The following C10orf143 variants were observed in gnomAD, a reference collection of about 807,000 sequenced individuals.
C10orf143 encodes the protein uncharacterized protein C10orf143.
chr10:130,081,425 A>G (rs76794928), intron 1 of C10orf143, among the ~76,000 whole-genome samples: 4,589 of 152,324 alleles, frequency 0.03, 175 homozygotes, highest in East Asian at 0.11. Context: ...AAGTACACAG[A>G]AAACAAGTAA....
At chr10:130,039,247 T>C (rs898891424) in intron 3 of C10orf143, among the ~76,000 whole-genome samples, 1 of 152,120 alleles carries the variant, frequency 6.6e-6, no homozygotes. Flanking sequence ...TGATTTCTTA[T>C]GGGGTCGGCT....
intron 1 of C10orf143, among the ~76,000 whole-genome samples, chr10:130,081,226 C>G (rs1861202899): frequency 6.6e-6 from 1 of 151,740 alleles, no homozygotes; most frequent in Admixed American, 6.6e-5. Flanking sequence ...TAAATACAAC[C>G]AAGGACTTTT....
chr10:130,106,357 A>G, intron 1 of C10orf143: 1 of 1,601,496 alleles, frequency 6.2e-7, no homozygotes, highest in Non-Finnish European at 8.5e-7. Context: ...AAGAGTATGA[A>G]GACTATGAAG....
At chr10:130,104,704 T>A (rs1331594080) in intron 1 of C10orf143, 1 of 152,214 alleles carries the variant, frequency 6.6e-6, no homozygotes, top group African/African-American at 2.4e-5. Flanking sequence ...AACTCATTAT[T>A]CTTTGGTAAC....
chr10:130,049,338 C>T (rs1337817359), intron 3 of C10orf143, among the ~76,000 whole-genome samples: 2 of 152,204 alleles, frequency 1.3e-5, no homozygotes, highest in Admixed American at 6.5e-5. Context: ...AGGGGCCCCT[C>T]GCCACCCTGT....
In C10orf143 at chr10:130,079,862, G is replaced by A. The variant is rs61729331; in HGVS notation, c.109C>T (p.Arg37Cys). The A allele has an allele frequency of 1.5e-3, 593 of 398,594 alleles. 1 individual carries two copies. The highest frequency in any genetic ancestry group is 0.011 in the African/African-American group (519 of 48,738). The allele number at this position is 398,594 out of a possible 1,614,324, so 24.7% of individuals were successfully genotyped here. Reference sequence around the variant, plus strand: ...CAGGCATTCACCTGGTGGCAGCCACGCTCATGCCCACTGGCTTCTAATCTC... The same window carrying A: ...CAGGCATTCACCTGGTGGCAGCCACACTCATGCCCACTGGCTTCTAATCTC... ...CRRLEASGHERGCHQVNACAL... is the reference protein window; with the variant it reads ...CRRLEASGHECGCHQVNACAL... The change falls in exon 2 of 4, where the codon CGT (arginine) becomes TGT (cysteine). Residue 37 changes from arginine to cysteine, a missense_variant. Transcript: ENST00000637128.
chr10:130,047,246 G>T (rs1860686323), intron 3 of C10orf143, among the ~76,000 whole-genome samples: 2 of 152,220 alleles, frequency 1.3e-5, no homozygotes, highest in Admixed American at 1.3e-4. Flanking sequence ...GACCCCATGG[G>T]GTTGCCGTGG....
At chr10:130,041,813 GCACA>G (rs10551202) in intron 3 of C10orf143, among the ~76,000 whole-genome samples, 49 of 150,700 alleles carry the variant, frequency 3.3e-4, no homozygotes, top group African/African-American at 1.1e-3. Flanking sequence ...AATAAGCTCT[GCACA>G]CACACACACA....
chr10:130,070,032 A>G (rs1202592244), intron 3 of C10orf143, among the ~76,000 whole-genome samples: 12 of 152,148 alleles, frequency 7.9e-5, no homozygotes. Context: ...TTTTAAATAT[A>G]TATCATGAAT....
intron 1 of C10orf143, among the ~76,000 whole-genome samples, chr10:130,094,700 T>C (rs559217333): frequency 6.6e-6 from 1 of 152,254 alleles, no homozygotes; most frequent in South Asian, 2.1e-4. Context: ...AAACTCTCAA[T>C]AAACTAGGTA....
At chr10:130,073,390 T>G (rs1861063707) in intron 3 of C10orf143, among the ~76,000 whole-genome samples, 1 of 152,184 alleles carries the variant, frequency 6.6e-6, no homozygotes, top group Non-Finnish European at 1.5e-5. Flanking sequence ...TACAATCAGA[T>G]CTTCAGGCTC....
At chr10:130,088,284 T>C (rs932013969) in intron 1 of C10orf143, among the ~76,000 whole-genome samples, 1 of 152,024 alleles carries the variant, frequency 6.6e-6, no homozygotes, top group African/African-American at 2.4e-5. Context: ...CTCAGGAGGC[T>C]AAGGAAGGAG....
At chr10:130,086,085 G>A (rs146020924) in intron 1 of C10orf143, among the ~76,000 whole-genome samples, 23 of 152,170 alleles carry the variant, frequency 1.5e-4, no homozygotes, top group African/African-American at 5.3e-4. Context: ...CCAATATCCC[G>A]CTTAAAATAA....
chr10:130,035,326 C>T (rs533208397), intron 4 of C10orf143, among the ~76,000 whole-genome samples: 27 of 152,308 alleles, frequency 1.8e-4, no homozygotes, highest in African/African-American at 6.3e-4. Context: ...TCCAACCAGG[C>T]ATATTGGATT....
intron 1 of C10orf143, among the ~76,000 whole-genome samples, chr10:130,086,425 G>T (rs564239877): frequency 6.6e-6 from 1 of 152,108 alleles, no homozygotes; most frequent in Non-Finnish European, 1.5e-5. Flanking sequence ...TCCTTATTCT[G>T]CCATATATTA....
intron 1 of C10orf143, among the ~76,000 whole-genome samples, chr10:130,088,211 C>T (rs942032868): frequency 7.2e-5 from 11 of 151,992 alleles, no homozygotes; most frequent in African/African-American, 2.4e-4. Flanking sequence ...GGTGAAATTC[C>T]GTCTCTACTA....
chr10:130,090,862 C>G (rs775068490), intron 1 of C10orf143, among the ~76,000 whole-genome samples: 2 of 152,172 alleles, frequency 1.3e-5, no homozygotes, highest in Non-Finnish European at 2.9e-5. Flanking sequence ...CAGACTGCCT[C>G]TCTAGATTCC....
intron 3 of C10orf143, among the ~76,000 whole-genome samples, chr10:130,070,104 T>C (rs2765491): frequency 6.6e-6 from 1 of 152,168 alleles, no homozygotes; most frequent in Non-Finnish European, 1.5e-5. Flanking sequence ...TTTTCCCTTT[T>C]ATCAGACAAT....
intron 1 of C10orf143, among the ~76,000 whole-genome samples, chr10:130,105,741 CAAACAAAACA>C (rs1345678805): frequency 2.0e-5 from 3 of 152,058 alleles, no homozygotes; most frequent in South Asian, 4.1e-4. Flanking sequence ...CCTCCCCCCC[CAAACAAAACA>C]AAACAAAACA....
Sources: allele counts gnomAD v4.1 joint callset (sites outside exome capture counted in the v4.1 genomes callset), GRCh38; gene constraint gnomAD v4.1.1; transcripts MANE v1.5; gene names NCBI Gene and HGNC (gene_info 2026-07-23, HGNC 2026-07-21).